Variants in HHIPL1 observed in about 807,000 individuals in gnomAD.
HHIPL1 encodes HHIP like 1, also known as HHIP-like protein 1.
Under a neutral mutation model 61.8 loss-of-function variants are expected in HHIPL1, and 43 were observed. The observed-to-expected ratio is 0.70, with a 90% CI of 0.55 to 0.90. The LOEUF (loss-of-function observed/expected upper bound fraction) is 0.90. Ranked by LOEUF, HHIPL1 falls within the 40% of genes least tolerant of loss-of-function variation. The pLI, the probability that HHIPL1 is intolerant of heterozygous loss-of-function variation, is 0.00. For synonymous variants in HHIPL1, 482 were observed against 515.8 expected (o/e 0.93, Z 0.89); for missense variants, 1,056 against 1,157.7 (o/e 0.91, Z 1.28).
In HHIPL1 at chr14:99,660,464, C is replaced by A; in HGVS notation, c.1502+58C>A. 6.4e-7 allele frequency: 1 copy of A among 1,571,190 alleles called. No individual in the cohort carries two copies. Among genetic ancestry groups the A allele is most frequent in the South Asian group, 1.2e-5 (1 of 84,818 alleles). Reference sequence around the variant, plus strand: ...GCTGCCACTGGCTCCTTGGGACTGGCTCCTTGGTAAAGGGGAGTGTATGTG... The same window carrying A: ...GCTGCCACTGGCTCCTTGGGACTGGATCCTTGGTAAAGGGGAGTGTATGTG... On this transcript the variant is annotated intron_variant, in intron 5 of 8. Transcript: ENST00000330710. This position sits in a 1 kb window ranked among gnomAD's most constrained non-coding sequence, Gnocchi z 4.9.
At chr14:99,658,889 C>T (rs1004362335) in intron 3 of HHIPL1, among the ~76,000 whole-genome samples, 1 of 152,112 alleles carries the variant, frequency 6.6e-6, no homozygotes, top group Non-Finnish European at 1.5e-5. Flanking sequence ...ACTGTAAATA[C>T]AAGTCATTTT....
In HHIPL1 at chr14:99,660,211, G is replaced by A. The variant is rs1269875584; in HGVS notation, c.1376-69G>A. The A allele has an allele frequency of 2.5e-6, 4 of 1,572,286 alleles. No individual in the cohort carries two copies. Among genetic ancestry groups the A allele is most frequent in the South Asian group, 2.3e-5 (2 of 88,742 alleles). On this transcript the variant is annotated intron_variant, in intron 4 of 8. Transcript: ENST00000330710. This position sits in a 1 kb window ranked among gnomAD's most constrained non-coding sequence, Gnocchi z 4.9. Reference sequence around the variant, plus strand: ...CGCCCCACCCCCGCGGAATCCCTCCGGAATTCTCCTGGCTGATGAACCTTC... The same window carrying A: ...CGCCCCACCCCCGCGGAATCCCTCCAGAATTCTCCTGGCTGATGAACCTTC...
At chr14:99,653,417 C>T (rs2055972548) in intron 2 of HHIPL1, among the ~76,000 whole-genome samples, 2 of 152,204 alleles carry the variant, frequency 1.3e-5, no homozygotes, top group Admixed American at 6.5e-5. Context: ...ACTGCAACCT[C>T]CGCCTCCCGG....
chr14:99,631,553 A>C, the HHIPL1 span, among the ~76,000 whole-genome samples: 1 of 152,124 alleles, frequency 6.6e-6, no homozygotes, highest in Non-Finnish European at 1.5e-5. Context: ...CACTGGGTAC[A>C]CACACGTGGG....
the HHIPL1 span, among the ~76,000 whole-genome samples, chr14:99,608,434 G>T: frequency 1.3e-5 from 2 of 152,326 alleles, no homozygotes; most frequent in East Asian, 3.9e-4. Flanking sequence ...GATTGAACAT[G>T]GGTTCTTATT....
At chr14:99,627,994 G>A in the HHIPL1 span, among the ~76,000 whole-genome samples, 4 of 152,084 alleles carry the variant, frequency 2.6e-5, no homozygotes, top group African/African-American at 7.3e-5. The surrounding 1 kb of genome is among the most constrained non-coding windows in gnomAD (Gnocchi z 4.4). Context: ...CTGTTAGGCA[G>A]GGAAGATGCA....
At chr14:99,639,339 T>C in the HHIPL1 span, among the ~76,000 whole-genome samples, 1 of 152,198 alleles carries the variant, frequency 6.6e-6, no homozygotes, top group Non-Finnish European at 1.5e-5. Context: ...CTTGGTTGTT[T>C]ATTTTTATTT....
Position 99,675,421 on chromosome 14 carries a change from A to G in HHIPL1, c.2144A>G (p.Gln715Arg). 6.5e-7 allele frequency: 1 copy of G among 1,532,840 alleles called. No individual in the cohort carries two copies. The highest frequency in any genetic ancestry group is 8.7e-7 in the Non-Finnish European group (1 of 1,143,296). 95.0% of individuals were successfully genotyped at this position (1,532,840 alleles called of 1,614,324 possible). Reference sequence around the variant, plus strand: ...AGCGGCGCCGCCGTCGTGTGTCGCCAGCTGGGGTTTGCCTACGCCGTGCGC... The same window carrying G: ...AGCGGCGCCGCCGTCGTGTGTCGCCGGCTGGGGTTTGCCTACGCCGTGCGC... Reference protein sequence around the residue: ...NISGAAVVCRQLGFAYAVRAV... With the variant: ...NISGAAVVCRRLGFAYAVRAV... Residue 715 changes from glutamine to arginine, a missense_variant, in exon 9 of 9, where the codon CAG becomes CGG. Transcript: ENST00000330710. The surrounding 1 kb of genome is among the most constrained non-coding windows in gnomAD (Gnocchi z 5.4).
chr14:99,655,145 T>G (rs1283740054), intron 2 of HHIPL1, among the ~76,000 whole-genome samples: 1 of 152,158 alleles, frequency 6.6e-6, no homozygotes, highest in African/African-American at 2.4e-5. Flanking sequence ...GCCGGGTGGA[T>G]GACCGAAAGT....
At chr14:99,643,377 G>A (rs536376480), upstream of HHIPL1, among the ~76,000 whole-genome samples, 1 of 152,220 alleles carries the variant, frequency 6.6e-6, no homozygotes, top group East Asian at 1.9e-4. Context: ...TTCATGCCTT[G>A]TTGTTTTTCT....
At chr14:99,614,704 A>T in the HHIPL1 span, among the ~76,000 whole-genome samples, 8 of 152,102 alleles carry the variant, frequency 5.3e-5, no homozygotes, top group Non-Finnish European at 1.2e-4. Flanking sequence ...GACCTTAGAG[A>T]TCTTTCTCTA....
the HHIPL1 span, among the ~76,000 whole-genome samples, chr14:99,628,357 A>G: frequency 3.9e-5 from 6 of 152,270 alleles, no homozygotes; most frequent in Middle Eastern, 3.4e-3. Context: ...AGACGGGTGA[A>G]TCACCTGAGG....
chr14:99,613,115 G>T, the HHIPL1 span, among the ~76,000 whole-genome samples: 1 of 152,062 alleles, frequency 6.6e-6, no homozygotes, highest in Admixed American at 6.6e-5. Flanking sequence ...TGCACCCCAG[G>T]CCTTGTCGTG....
intron 6 of HHIPL1, among the ~76,000 whole-genome samples, chr14:99,664,866 C>T (rs2056216388): frequency 6.6e-6 from 1 of 151,788 alleles, no homozygotes; most frequent in South Asian, 2.1e-4. Context: ...CACAGGAGCC[C>T]TTGGAATGAA....
the HHIPL1 span, among the ~76,000 whole-genome samples, chr14:99,605,556 T>C: frequency 6.6e-6 from 1 of 152,194 alleles, no homozygotes; most frequent in Non-Finnish European, 1.5e-5. Context: ...CGGGGCCTGC[T>C]CCAGCCCCGG....
Position 99,668,802 on chromosome 14 carries a change from C to T in HHIPL1, c.1730+499C>T, listed in dbSNP as rs200278175. The T allele has an allele frequency of 1.9e-6, 3 of 1,611,302 alleles. No homozygotes were observed. The highest frequency in any genetic ancestry group is 1.7e-5 in the Admixed American group (1 of 59,984). On this transcript the variant is annotated intron_variant, in intron 7 of 8. Coordinates refer to ENST00000330710, the MANE Select transcript of HHIPL1 (RefSeq NM_001127258.3). The surrounding 1 kb of genome is among the most constrained non-coding windows in gnomAD (Gnocchi z 4.7). The stretch of plus-strand genomic sequence containing the variant: ...GGAAAACACATTGGGGCTCCCTTCG[C>T]CGGCTCCATCTCCCCGGCTTCCCTT...
chr14:99,627,369 C>T, the HHIPL1 span, among the ~76,000 whole-genome samples: 5 of 152,156 alleles, frequency 3.3e-5, no homozygotes, highest in East Asian at 1.9e-4. This position sits in a 1 kb window ranked among gnomAD's most constrained non-coding sequence, Gnocchi z 4.4. Context: ...TCCATCCATC[C>T]GTCCATCCAA....
At chr14:99,623,983 C>T in the HHIPL1 span, among the ~76,000 whole-genome samples, 1 of 152,214 alleles carries the variant, frequency 6.6e-6, no homozygotes, top group Admixed American at 6.5e-5. Flanking sequence ...AAGATGGAAA[C>T]TTACTTTACT....
chr14:99,654,822 C>T (rs1318401280), intron 2 of HHIPL1, among the ~76,000 whole-genome samples: 1 of 152,106 alleles, frequency 6.6e-6, no homozygotes, highest in East Asian at 1.9e-4. Flanking sequence ...AGCCAGTTCT[C>T]CAAGAGAGAC....
Sources: allele counts gnomAD v4.1 joint callset (sites outside exome capture counted in the v4.1 genomes callset), GRCh38; gene constraint gnomAD v4.1.1; non-coding constraint Gnocchi (gnomAD v3.1); transcripts MANE v1.5; gene names NCBI Gene and HGNC (gene_info 2026-07-23, HGNC 2026-07-21).